The following DST variants were observed in gnomAD, a reference collection of about 807,000 sequenced individuals.
DST encodes the protein bullous pemphigoid antigen.
DST carries 253 observed loss-of-function variants against 875.2 expected under a neutral mutation model. That is an observed-to-expected ratio of 0.29 (90% confidence interval 0.26 to 0.32). The LOEUF (loss-of-function observed/expected upper bound fraction) is 0.32, where lower values mean the gene tolerates loss of function less well. Among genes scored for constraint, DST ranks in the 10% least tolerant of loss-of-function variants. DST has a pLI of 1.00. For missense variants in DST, 8,287 were observed against 9,111.6 expected, an observed-to-expected ratio of 0.91 and a Z score of 3.68; for synonymous variants, 3,124 against 3,197.1, an observed-to-expected ratio of 0.98 and a Z score of 0.77.
chr6:56,586,001 A>T (rs1005928299), intron 49 of DST, among the ~76,000 whole-genome samples: 2 of 148,436 alleles, frequency 1.3e-5, no homozygotes, highest in East Asian at 2.0e-4. Context: ...TGCTGAGGAG[A>T]GCTTTACTTC....
At chr6:56,751,192 T>A (rs1327785942) in intron 4 of DST, among the ~76,000 whole-genome samples, 22 of 152,144 alleles carry the variant, frequency 1.4e-4, no homozygotes, top group Admixed American at 1.2e-3. Flanking sequence ...TATTATTAGC[T>A]ACTAGTAGAA....
intron 2 of DST, among the ~76,000 whole-genome samples, chr6:56,905,510 T>G (rs1795988550): frequency 6.6e-6 from 1 of 152,230 alleles, no homozygotes. Flanking sequence ...CATTCAGTAT[T>G]TGTCTTTCTG....
chr6:56,746,256 A>G (rs992832449), intron 4 of DST, among the ~76,000 whole-genome samples: 1 of 152,160 alleles, frequency 6.6e-6, no homozygotes, highest in African/African-American at 2.4e-5. Context: ...AAAGTGCTGG[A>G]ATTAGAGGTA....
chr6:56,555,908 T>C, intron 59 of DST, 68 bp from the exon 60 acceptor site: 1 of 1,364,790 alleles, frequency 7.3e-7, no homozygotes, highest in Middle Eastern at 1.9e-4. Flanking sequence ...AGATTTGGTG[T>C]CCAAACAGAC....
chr6:56,840,221 T>A (rs2099798346), intron 4 of DST, among the ~76,000 whole-genome samples: 1 of 152,134 alleles, frequency 6.6e-6, no homozygotes. Context: ...AACTAATTAA[T>A]CATTTATAAT....
chr6:56,708,031 T>TG (rs1185943900), intron 5 of DST, among the ~76,000 whole-genome samples: 22 of 152,062 alleles, frequency 1.4e-4, no homozygotes, highest in Non-Finnish European at 4.4e-5. Flanking sequence ...TAGCTGGGCA[T>TG]GGTGGCAGTG....
intron 2 of DST, among the ~76,000 whole-genome samples, chr6:56,952,962 A>C (rs1823087533): frequency 1.3e-5 from 2 of 152,226 alleles, no homozygotes; most frequent in Non-Finnish European, 2.9e-5. Context: ...GGGTGGCATA[A>C]AATATCTGAT....
chr6:56,934,610 G>A (rs1812060582), intron 2 of DST, among the ~76,000 whole-genome samples: 2 of 124,574 alleles, frequency 1.6e-5, no homozygotes, highest in South Asian at 2.4e-4. Context: ...AGAGAAGGAG[G>A]GGAGAGAGAG....
intron 2 of DST, among the ~76,000 whole-genome samples, chr6:56,916,776 TCTCACACACACA>T (rs1221216811): frequency 2.6e-4 from 19 of 71,974 alleles, no homozygotes; most frequent in African/African-American, 1.0e-3. Flanking sequence ...TCTCTCTCTC[TCTCACACACACA>T]CACACACACA....
At chr6:56,476,114 A>C (rs772629632) in intron 92 of DST, 35 bp downstream of exon 92, 9 of 1,517,466 alleles carry the variant, frequency 5.9e-6, no homozygotes, top group Middle Eastern at 1.9e-4. Context: ...ATCTGAGATA[A>C]TGGTTAACAG....
chr6:56,568,633 A>G (rs773239275), intron 54 of DST, 38 bp from the exon 55 acceptor site: 1 of 1,508,898 alleles, frequency 6.6e-7, no homozygotes, highest in African/African-American at 1.4e-5. Context: ...CCATCTTAAT[A>G]TTTTCAGAGT....
chr6:56,783,629 A>G (rs1002378703), intron 4 of DST, among the ~76,000 whole-genome samples: 2 of 151,946 alleles, frequency 1.3e-5, no homozygotes, highest in African/African-American at 4.8e-5. Context: ...TCTGCACGTG[A>G]GATGGGTTTC....
At chr6:56,530,755 A>G (rs1388512698) in intron 64 of DST, among the ~76,000 whole-genome samples, 1 of 152,222 alleles carries the variant, frequency 6.6e-6, no homozygotes, top group Non-Finnish European at 1.5e-5. Flanking sequence ...ACTTTAAAAT[A>G]TCTTTGGAAA....
intron 3 of DST, among the ~76,000 whole-genome samples, chr6:56,887,155 C>G (rs1378042844): frequency 6.6e-6 from 1 of 152,164 alleles, no homozygotes; most frequent in Non-Finnish European, 1.5e-5. Context: ...GAGATTGTAT[C>G]ACTAAAAGTA....
chr6:56,760,983 AT>A (rs1352122534), intron 4 of DST, among the ~76,000 whole-genome samples: 1 of 152,232 alleles, frequency 6.6e-6, no homozygotes, highest in African/African-American at 2.4e-5. Flanking sequence ...AGGGACACTA[AT>A]TAATGGAATA....
At chr6:56,584,496 G>A (rs1190668805) in intron 49 of DST, among the ~76,000 whole-genome samples, 3 of 149,730 alleles carry the variant, frequency 2.0e-5, no homozygotes, top group Admixed American at 6.6e-5. Flanking sequence ...ATTTGGGGCT[G>A]AGGCCATGGG....
intron 9 of DST, among the ~76,000 whole-genome samples, chr6:56,673,227 A>C (rs2099111340): frequency 6.6e-6 from 1 of 152,220 alleles, no homozygotes; most frequent in East Asian, 1.9e-4. Context: ...CCTGGACAAC[A>C]GAGTGAGGCC....
At chr6:56,783,218 G>A (rs2099697904) in intron 4 of DST, among the ~76,000 whole-genome samples, 2 of 152,290 alleles carry the variant, frequency 1.3e-5, no homozygotes, top group South Asian at 2.1e-4. Context: ...GGGGTGGAGA[G>A]TTCTGTAGAT....
At chr6:56,521,745 C>T (rs1422987436) in intron 69 of DST, among the ~76,000 whole-genome samples, 3 of 151,776 alleles carry the variant, frequency 2.0e-5, no homozygotes, top group South Asian at 2.1e-4. Flanking sequence ...TATAGTAAGG[C>T]GAGGCATTTT....
Sources: allele counts gnomAD v4.1 joint callset (sites outside exome capture counted in the v4.1 genomes callset), GRCh38; gene constraint gnomAD v4.1.1; transcripts MANE v1.5; gene names NCBI Gene and HGNC (gene_info 2026-07-23, HGNC 2026-07-21).